Variants in RAB31 observed in about 807,000 individuals in gnomAD.
The protein encoded by RAB31 is ras-related protein Rab-31.
In RAB31, 21 loss-of-function variants were observed where a neutral mutation model predicts 25.6. The ratio of observed to expected loss-of-function variants is 0.82; its 90% confidence interval spans 0.58 to 1.18. The LOEUF (loss-of-function observed/expected upper bound fraction) is 1.18. RAB31 is among the 50% of genes most tolerant of loss of function. The pLI, the probability that RAB31 is intolerant of heterozygous loss-of-function variation, is 0.00. For synonymous variants in RAB31, 87 were observed against 84.0 expected, an observed-to-expected ratio of 1.04 and a Z score of -0.20; for missense variants, 196 against 250.1, an observed-to-expected ratio of 0.78 and a Z score of 1.46.
Position 9,820,169 on chromosome 18 carries a change from C to T in RAB31, c.380+4947C>T, listed in dbSNP as rs545588134. Among the ~76,000 whole-genome samples the T allele has an allele frequency of 6.6e-5, 10 of 152,200 alleles. No individual in the cohort carries two copies. The South Asian group carries it at 1.2e-3, about 19-fold the overall frequency. On this transcript the variant is annotated intron_variant, in intron 5 of 6. Coordinates refer to ENST00000578921, the MANE Select transcript of RAB31 (RefSeq NM_006868.4). ...GGATAAAATGCTCCAGTAAGTATCACACTAACTGGTTTTACATATATGTTT... is the reference window on the plus strand; with the variant it reads ...GGATAAAATGCTCCAGTAAGTATCATACTAACTGGTTTTACATATATGTTT...
chr18:9,803,240 C>CTT lies in RAB31; in HGVS notation c.202-10767_202-10766dup, dbSNP rs60889612. 2.3e-3 allele frequency among the ~76,000 whole-genome samples: 322 copies of CTT among 141,660 alleles called. 1 individual carries two copies. The highest frequency in any genetic ancestry group is 7.4e-3 in the African/African-American group (283 of 38,216). The allele number at this position is 141,660 out of a possible 152,430, so 92.9% of individuals were successfully genotyped here. A position where few individuals can be genotyped will look rare whatever the true frequency, so the allele number is the denominator to read the frequency against. On this transcript the variant is annotated intron_variant, in intron 3 of 6. Coordinates refer to ENST00000578921, the MANE Select transcript of RAB31 (RefSeq NM_006868.4). ...CTTTCTTTTCTTCTCTTTTTCCTTT[C>CTT]TTTTTTTTTTTTTTAGGCAGGGTCT...
chr18:9,789,512 T>C (rs774486399), intron 2 of RAB31, among the ~76,000 whole-genome samples: 8 of 152,172 alleles, frequency 5.3e-5, no homozygotes, highest in Non-Finnish European at 7.4e-5. Context: ...TGCATAATTA[T>C]TGTGTACCGG....
At chr18:9,754,276 C>T (rs865864069) in intron 1 of RAB31, among the ~76,000 whole-genome samples, 2 of 151,992 alleles carry the variant, frequency 1.3e-5, no homozygotes, top group African/African-American at 4.8e-5. Flanking sequence ...TGAACAAGTA[C>T]AGACTTTTTT....
intron 1 of RAB31, among the ~76,000 whole-genome samples, chr18:9,768,458 T>C (rs1196557874): frequency 6.6e-6 from 1 of 152,256 alleles, no homozygotes; most frequent in African/African-American, 2.4e-5. Context: ...CCAGTGACAA[T>C]GAACTTTTTT....
chr18:9,813,101 T>C (rs2068582932), intron 3 of RAB31, among the ~76,000 whole-genome samples: 1 of 152,188 alleles, frequency 6.6e-6, no homozygotes, highest in Admixed American at 6.5e-5. Context: ...ACCTCTCCTG[T>C]CTGGGGATGA....
At chr18:9,744,993 T>A (rs1327606884) in intron 1 of RAB31, among the ~76,000 whole-genome samples, 48 of 151,334 alleles carry the variant, frequency 3.2e-4, no homozygotes, top group Admixed American at 3.2e-3. Context: ...AATAGAAAAA[T>A]AATAGGGAAA....
At chr18:9,831,418 C>T (rs2068677820) in intron 5 of RAB31, among the ~76,000 whole-genome samples, 1 of 152,216 alleles carries the variant, frequency 6.6e-6, no homozygotes, top group Non-Finnish European at 1.5e-5. Flanking sequence ...ATTTTTGGCT[C>T]CGGCCCTATA....
At chr18:9,821,697 C>T (rs539045356) in intron 5 of RAB31, among the ~76,000 whole-genome samples, 16 of 152,090 alleles carry the variant, frequency 1.1e-4, no homozygotes, top group South Asian at 1.0e-3. Flanking sequence ...ATTTAAAACA[C>T]GATATTCTTT....
At position 9,803,104 on chromosome 18, in the gene RAB31, C is replaced by T. The variant is rs78528493; in HGVS notation, c.201+10869C>T. 8.4e-3 allele frequency among the ~76,000 whole-genome samples: 1,286 copies of T among 152,324 alleles called. 14 individuals carry two copies. Among genetic ancestry groups the T allele is most frequent in the African/African-American group, 0.022 (926 of 41,572 alleles). ...CCGGAATCCTGCTCCTGACCTGCAC[C>T]ATCCCCACCAGCCCACGATAGAACG... is the stretch of plus-strand genomic sequence containing the variant. On this transcript the variant is annotated intron_variant, in intron 3 of 6. Coordinates refer to ENST00000578921, the MANE Select transcript of RAB31 (RefSeq NM_006868.4).
At chr18:9,780,755 A>AC (rs1490174598) in intron 2 of RAB31, among the ~76,000 whole-genome samples, 1 of 152,106 alleles carries the variant, frequency 6.6e-6, no homozygotes, top group Non-Finnish European at 1.5e-5. Flanking sequence ...ACATGGTGAA[A>AC]CCCCATCTCT....
chr18:9,715,231 A>G (rs976690877), intron 1 of RAB31, among the ~76,000 whole-genome samples: 1 of 151,940 alleles, frequency 6.6e-6, no homozygotes, highest in African/African-American at 2.4e-5. Flanking sequence ...AAGGATTTGA[A>G]CAGTGCCTAA....
At chr18:9,800,035 C>A (rs2068505931) in intron 3 of RAB31, among the ~76,000 whole-genome samples, 1 of 152,164 alleles carries the variant, frequency 6.6e-6, no homozygotes. Context: ...GGTCAGCAGG[C>A]ACCTTTGCAA....
intron 1 of RAB31, among the ~76,000 whole-genome samples, chr18:9,765,714 A>G (rs10502392): frequency 6.6e-6 from 1 of 152,026 alleles, no homozygotes; most frequent in African/African-American, 2.4e-5. Context: ...AGTACTTCCG[A>G]TCTCTTTGAC....
chr18:9,749,776 C>A (rs1416371529), intron 1 of RAB31, among the ~76,000 whole-genome samples: 1 of 152,166 alleles, frequency 6.6e-6, no homozygotes, highest in African/African-American at 2.4e-5. Flanking sequence ...GCTTGGACTG[C>A]ACACAACAGT....
chr18:9,835,950 G>C (rs1164855392), intron 5 of RAB31, among the ~76,000 whole-genome samples: 2 of 152,014 alleles, frequency 1.3e-5, no homozygotes, highest in African/African-American at 2.4e-5. Context: ...TTGCCGGAAC[G>C]GGGCCTGCTG....
At chr18:9,743,697 C>T (rs1457308275) in intron 1 of RAB31, among the ~76,000 whole-genome samples, 2 of 152,252 alleles carry the variant, frequency 1.3e-5, no homozygotes, top group Non-Finnish European at 2.9e-5. Context: ...TGAGTCACCA[C>T]CACCCTCTGG....
chr18:9,850,121 AG>A (rs1039520442), intron 6 of RAB31, among the ~76,000 whole-genome samples: 2 of 152,160 alleles, frequency 1.3e-5, no homozygotes, highest in Non-Finnish European at 2.9e-5. Context: ...TAACACTGGA[AG>A]GAGATGGGGA....
At chr18:9,826,855 C>T (rs913913992) in intron 5 of RAB31, among the ~76,000 whole-genome samples, 7 of 51,688 alleles carry the variant, frequency 1.4e-4, no homozygotes, top group Non-Finnish European at 2.4e-4. Context: ...CAGGATCCTC[C>T]GCGAAGGAGG....
chr18:9,757,405 TCAGACA>T (rs1049883687), intron 1 of RAB31, among the ~76,000 whole-genome samples: 12 of 151,898 alleles, frequency 7.9e-5, no homozygotes, highest in African/African-American at 2.9e-4. Context: ...GGGAGAAGAG[TCAGACA>T]CAGAAGAGAG....
Sources: allele counts gnomAD v4.1 joint callset (sites outside exome capture counted in the v4.1 genomes callset), GRCh38; gene constraint gnomAD v4.1.1; transcripts MANE v1.5; gene names NCBI Gene and HGNC (gene_info 2026-07-23, HGNC 2026-07-21).